The following UNC5D variants were observed in gnomAD, a reference collection of about 807,000 sequenced individuals.
UNC5D encodes the protein unc-5 netrin receptor D, also known as netrin receptor UNC5D.
UNC5D carries 39 observed loss-of-function variants against 105.4 expected under a neutral mutation model. That is an observed-to-expected ratio of 0.37 (90% CI 0.29 to 0.48). The LOEUF is 0.48. Among genes scored for constraint, UNC5D ranks in the 20% least tolerant of loss-of-function variants. The pLI, the probability that UNC5D is intolerant of heterozygous loss-of-function variation, is 0.98. For synonymous variants in UNC5D, 452 were observed against 450.4 expected, an observed-to-expected ratio of 1.00 and a Z score of -0.04; for missense variants, 991 against 1,202.4, an observed-to-expected ratio of 0.82 and a Z score of 2.60.
intron 11 of UNC5D, among the ~76,000 whole-genome samples, chr8:35,746,824 A>G (rs59081997): frequency 0.031 from 4,723 of 152,284 alleles, 264 homozygotes; most frequent in African/African-American, 0.11. Context: ...ATTCCTGTCC[A>G]TGATGAATGC....
At chr8:35,380,975 G>A (rs894577212) in intron 1 of UNC5D, among the ~76,000 whole-genome samples, 3 of 147,330 alleles carry the variant, frequency 2.0e-5, no homozygotes, top group Non-Finnish European at 4.5e-5. Flanking sequence ...GAGTAAAAGG[G>A]AACGGTATTG....
chr8:35,779,963 AC>A (rs1170398857), intron 16 of UNC5D, among the ~76,000 whole-genome samples: 5 of 152,106 alleles, frequency 3.3e-5, no homozygotes, highest in African/African-American at 9.7e-5. Flanking sequence ...TATTCCAGAA[AC>A]CCTTGTGAAA....
At chr8:35,538,405 A>ATATATG (rs1485007497) in intron 1 of UNC5D, among the ~76,000 whole-genome samples, 3 of 41,696 alleles carry the variant, frequency 7.2e-5, no homozygotes, top group Admixed American at 3.3e-4. Flanking sequence ...TTATATATAT[A>ATATATG]TATATATATA....
chr8:35,437,976 T>C (rs1182858936), intron 1 of UNC5D, among the ~76,000 whole-genome samples: 1 of 152,014 alleles, frequency 6.6e-6, no homozygotes, highest in Non-Finnish European at 1.5e-5. Flanking sequence ...TATATCTGGC[T>C]CAGTTTTAAC....
intron 1 of UNC5D, among the ~76,000 whole-genome samples, chr8:35,347,925 A>G (rs1811921042): frequency 6.6e-6 from 1 of 152,086 alleles, no homozygotes; most frequent in Non-Finnish European, 1.5e-5. Context: ...ACAGCTGAGA[A>G]TAACCTGTGA....
At chr8:35,493,800 A>G (rs1464690434) in intron 1 of UNC5D, among the ~76,000 whole-genome samples, 1 of 151,994 alleles carries the variant, frequency 6.6e-6, no homozygotes, top group African/African-American at 2.4e-5. Context: ...TTTCTTTAAT[A>G]CTCTATTCTC....
At chr8:35,248,094 A>G (rs1176207593) in intron 1 of UNC5D, among the ~76,000 whole-genome samples, 1 of 73,632 alleles carries the variant, frequency 1.4e-5, no homozygotes, top group Non-Finnish European at 2.3e-5. Context: ...TAATATATAA[A>G]TATATATTAT....
chr8:35,392,329 G>A (rs370376864), intron 1 of UNC5D, among the ~76,000 whole-genome samples: 53 of 152,172 alleles, frequency 3.5e-4, no homozygotes, highest in African/African-American at 8.2e-4. Flanking sequence ...CTCCCACCTC[G>A]GCCTCTCCAG....
At position 35,377,845 on chromosome 8, in the gene UNC5D, G is replaced by A. The variant is rs886812860; in HGVS notation, c.103+141958G>A. ...ATTTGATTTGCTTTATGCACAGTTA[G>A]TTTTCCTCTGGAGATAAGTCATCAG... On this transcript the variant is annotated intron_variant, in intron 1 of 16. Transcript: ENST00000404895. Among the ~76,000 whole-genome samples, 8 of 152,144 alleles carry A rather than the reference G, an allele frequency of 5.3e-5. 1 individual carries two copies. Among genetic ancestry groups the A allele is most frequent in the African/African-American group, 1.9e-4 (8 of 41,420 alleles).
At chr8:35,431,766 C>T (rs558813188) in intron 1 of UNC5D, among the ~76,000 whole-genome samples, 62 of 152,160 alleles carry the variant, frequency 4.1e-4, no homozygotes, top group African/African-American at 1.4e-3. Context: ...TATCACAGTA[C>T]ATAGTTTTCA....
At chr8:35,404,549 A>G (rs1462180618) in intron 1 of UNC5D, among the ~76,000 whole-genome samples, 1 of 152,156 alleles carries the variant, frequency 6.6e-6, no homozygotes, top group Non-Finnish European at 1.5e-5. Flanking sequence ...ACCCTGAACT[A>G]TGCCAAATTA....
intron 1 of UNC5D, among the ~76,000 whole-genome samples, chr8:35,312,372 T>A (rs1808957262): frequency 6.6e-6 from 1 of 152,190 alleles, no homozygotes; most frequent in Non-Finnish European, 1.5e-5. Context: ...ATGTCCAGGA[T>A]ACATTCTCTG....
chr8:35,365,393 CTG>C (rs1024736856), intron 1 of UNC5D, among the ~76,000 whole-genome samples: 1 of 151,856 alleles, frequency 6.6e-6, no homozygotes, highest in African/African-American at 2.4e-5. Context: ...ATGAAGATCT[CTG>C]TGAACTAATA....
At chr8:35,534,025 G>T (rs554105429) in intron 1 of UNC5D, among the ~76,000 whole-genome samples, 9 of 152,272 alleles carry the variant, frequency 5.9e-5, no homozygotes, top group Non-Finnish European at 8.8e-5. Context: ...CTCACGCTGG[G>T]AACTGTAGAC....
chr8:35,519,266 G>C (rs1813301733), intron 1 of UNC5D, among the ~76,000 whole-genome samples: 2 of 151,936 alleles, frequency 1.3e-5, no homozygotes, highest in African/African-American at 2.4e-5. Context: ...GGTCTTTCTT[G>C]TATGGGGCTG....
At chr8:35,358,290 A>C (rs372720781) in intron 1 of UNC5D, among the ~76,000 whole-genome samples, 1 of 152,194 alleles carries the variant, frequency 6.6e-6, no homozygotes, top group Admixed American at 6.6e-5. Flanking sequence ...AATGTGGTAC[A>C]TATACACCAT....
Position 35,549,357 on chromosome 8 carries a change from A to G in UNC5D, c.169A>G (p.Ile57Val), listed in dbSNP as rs753317133. 1 of 1,613,464 alleles carries G rather than the reference A, an allele frequency of 6.2e-7. No individual in the cohort carries two copies. The highest frequency in any genetic ancestry group is 1.3e-5 in the African/African-American group (1 of 74,922). Reference protein sequence around the residue: ...PSAPGTLPHFIEEPDDAYIIK... With the variant: ...PSAPGTLPHFVEEPDDAYIIK... Reference sequence around the variant, plus strand: ...AGCTCCTGGGACACTGCCTCATTTCATAGAGGAGCCAGATGATGCTTATAT... The same window carrying G: ...AGCTCCTGGGACACTGCCTCATTTCGTAGAGGAGCCAGATGATGCTTATAT... The change falls in exon 2 of 17, where the codon ATA (isoleucine) becomes GTA (valine). Residue 57 changes from isoleucine (I) to valine (V), a missense_variant. Transcript: ENST00000404895.
At chr8:35,538,601 C>A (rs776796389) in intron 1 of UNC5D, among the ~76,000 whole-genome samples, 1 of 151,238 alleles carries the variant, frequency 6.6e-6, no homozygotes, top group Non-Finnish European at 1.5e-5. Context: ...CCATTGTAGT[C>A]ATGTAGGGGA....
intron 7 of UNC5D, among the ~76,000 whole-genome samples, chr8:35,703,073 G>A (rs540223832): frequency 1.6e-3 from 243 of 151,910 alleles, no homozygotes; most frequent in Middle Eastern, 3.4e-3. Context: ...TCTCATATTA[G>A]CAGAGGCCGG....
Sources: gnomAD v4.1 joint callset for allele counts (sites outside exome capture counted in the v4.1 genomes callset) on GRCh38, gnomAD v4.1.1 for gene constraint, MANE v1.5 for transcripts, NCBI Gene and HGNC (gene_info 2026-07-23, HGNC 2026-07-21) for gene names.